Variants in LAMC3 observed in about 807,000 individuals in gnomAD.
The protein encoded by LAMC3 is laminin subunit gamma-3.
A neutral mutation model predicts 173.8 loss-of-function variants in LAMC3; 128 were observed. The observed-to-expected ratio is 0.74, with a 90% CI of 0.64 to 0.85. The LOEUF is 0.85. Among genes scored for constraint, LAMC3 ranks in the 40% least tolerant of loss-of-function variants. LAMC3 has a pLI of 0.00. For synonymous variants in LAMC3, 897 were observed against 909.1 expected, an observed-to-expected ratio of 0.99 and a Z score of 0.24; for missense variants, 2,022 against 2,156.0, an observed-to-expected ratio of 0.94 and a Z score of 1.23.
chr9:131,060,513 G>A (rs781775522), intron 12 of LAMC3, among the ~76,000 whole-genome samples: 7 of 152,012 alleles, frequency 4.6e-5, no homozygotes, highest in East Asian at 1.9e-4. Flanking sequence ...GTGTGGTGAC[G>A]CACGCCTGTA....
Position 131,094,161 on chromosome 9 carries a change from G to C in LAMC3, c.*2374G>C, listed in dbSNP as rs998052096. On this transcript the variant is annotated 3_prime_UTR_variant, in exon 28 of 28. Coordinates refer to ENST00000361069, the MANE Select transcript of LAMC3 (RefSeq NM_006059.4). ...GGCTTTCTTTGTTTTTCTTGTGCCTGATAGGAGAGGACACCCACCCCTACC... is the reference window on the plus strand; with the variant it reads ...GGCTTTCTTTGTTTTTCTTGTGCCTCATAGGAGAGGACACCCACCCCTACC... 2 of 152,144 alleles carry C rather than the reference G, an allele frequency of 1.3e-5. No homozygotes were observed. The highest frequency in any genetic ancestry group is 2.9e-5 in the Non-Finnish European group (2 of 68,062). The allele number at this position is 152,144 out of a possible 1,614,324, so 9.4% of individuals were successfully genotyped here. A position where few individuals can be genotyped will look rare whatever the true frequency, so the allele number is the denominator to read the frequency against.
At position 131,039,163 on chromosome 9, in the gene LAMC3, A is replaced by G. The variant is rs1040314137; in HGVS notation, c.1198A>G (p.Thr400Ala). The G allele has an allele frequency of 1.9e-6, 3 of 1,610,900 alleles. No individual in the cohort carries two copies. In the South Asian group the frequency reaches 3.3e-5, roughly 18 times the overall value. The change falls in exon 6 of 28, where the codon ACC becomes GCC. Residue 400 changes from threonine to alanine, a missense_variant. Thr to Ala is a moderately conservative substitution (Grantham distance 58). Coordinates refer to ENST00000361069, the MANE Select transcript of LAMC3 (RefSeq NM_006059.4). ...SLHLQCDDTG[T>A]CACKPTVTGW... ...ACACCTCCAGTGCGATGACACAGGC[A>G]CCTGCGCCTGCAAGCCCACGGTGAC...
intron 1 of LAMC3, among the ~76,000 whole-genome samples, chr9:131,013,604 C>T (rs1045367474): frequency 2.0e-5 from 3 of 152,206 alleles, no homozygotes; most frequent in Non-Finnish European, 2.9e-5. Context: ...CTTTACTGAG[C>T]AGTGCTGAGA....
At chr9:131,030,273 C>T (rs1443631482) in intron 2 of LAMC3, among the ~76,000 whole-genome samples, 1 of 152,178 alleles carries the variant, frequency 6.6e-6, no homozygotes, top group Admixed American at 6.5e-5. Flanking sequence ...AGACAGTCCC[C>T]CTGCAATTGA....
chr9:131,065,915 G>GGAT (rs58998610), intron 13 of LAMC3, among the ~76,000 whole-genome samples: 10,149 of 152,072 alleles, frequency 0.067, 1,040 homozygotes, highest in African/African-American at 0.22. Context: ...ATGATGGTCA[G>GGAT]GATGATGATG....
In LAMC3 at chr9:131,039,082, A is replaced by G. The variant is rs776141006; in HGVS notation, c.1165+30A>G. The stretch of plus-strand genomic sequence containing the variant: ...GTGGACTCCACATCCCCAGCCTCCG[A>G]CCCTCTCCCTTTCCTGGCCTCAATT... On this transcript the variant is annotated intron_variant, in intron 5 of 27. Transcript: ENST00000361069. 8.4e-5 allele frequency: 136 copies of G among 1,610,572 alleles called. 1 individual carries two copies. The South Asian group carries it at 1.1e-3, about 13-fold the overall frequency.
chr9:131,087,704 C>G lies in LAMC3; in HGVS notation c.4378-14C>G. ...GACGCCATTCAAGCTGTTTCTTCCT[C>G]CTCCCCCTGAAAGGTGGGTGCTGGG... On this transcript the variant is annotated splice_polypyrimidine_tract_variant and intron_variant, in intron 26 of 27. Transcript: ENST00000361069. 6.2e-7 allele frequency: 1 copy of G among 1,613,916 alleles called. No homozygotes were observed. The highest frequency in any genetic ancestry group is 8.5e-7 in the Non-Finnish European group (1 of 1,179,826).
At chr9:131,033,235 C>T (rs571883112) in intron 3 of LAMC3, among the ~76,000 whole-genome samples, 6 of 152,226 alleles carry the variant, frequency 3.9e-5, no homozygotes, top group Non-Finnish European at 5.9e-5. Flanking sequence ...ACGAGGGAGG[C>T]ATGAACAGCT....
chr9:131,047,618 G>A (rs149044261), intron 8 of LAMC3, among the ~76,000 whole-genome samples: 27,630 of 151,390 alleles, frequency 0.18, 3,091 homozygotes, highest in Admixed American at 0.26. Context: ...CTGGGAGGCC[G>A]GGGTGGGGGT....
intron 1 of LAMC3, among the ~76,000 whole-genome samples, chr9:131,018,828 G>C (rs1833577697): frequency 6.6e-6 from 1 of 152,208 alleles, no homozygotes; most frequent in Non-Finnish European, 1.5e-5. Context: ...CCACAGCTTT[G>C]CCAACATCCT....
chr9:131,068,835 G>A, intron 15 of LAMC3, 73 bp from the exon 16 acceptor site: 1 of 1,572,650 alleles, frequency 6.4e-7, no homozygotes, highest in South Asian at 1.1e-5. Context: ...GCCCCAGCCA[G>A]CTGCAGCCGG....
chr9:131,044,086 G>A (rs753708328), intron 7 of LAMC3, among the ~76,000 whole-genome samples: 1 of 151,240 alleles, frequency 6.6e-6, no homozygotes, highest in Non-Finnish European at 1.5e-5. Context: ...AGCCTCCTAA[G>A]TAGCTAGGAT....
intron 25 of LAMC3, among the ~76,000 whole-genome samples, chr9:131,086,575 C>CTTTTTTTTTTT (rs778812487): frequency 8.7e-5 from 8 of 92,480 alleles, no homozygotes; most frequent in East Asian, 5.9e-4. Context: ...GCCTGGCTAA[C>CTTTTTTTTTTT]TTTTTTTTTT....
In LAMC3 at chr9:131,087,802, C is replaced by T. The variant is rs925112350; in HGVS notation, c.4462C>T (p.Leu1488=). ...GAAGGACATCGAGACCTTGTCAGAGCTGCTTGCCAGGCTGGGTAAGGAGGC... is the reference window on the plus strand; with the variant it reads ...GAAGGACATCGAGACCTTGTCAGAGTTGCTTGCCAGGCTGGGTAAGGAGGC... ...LEKDIETLSE[L]LARLGSLDTH... is the part of the protein sequence containing the mutation. Residue 1488 remains leucine (L), a synonymous_variant, in exon 27 of 28, where the codon CTG becomes TTG. Transcript: ENST00000361069. The T allele has an allele frequency of 7.4e-6, 12 of 1,613,898 alleles. No individual in the cohort carries two copies. The Admixed American group carries it at 8.3e-5, about 11-fold the overall frequency.
chr9:131,075,685 A>G, intron 20 of LAMC3, 146 bp from the exon 21 acceptor site: 1 of 846,694 alleles, frequency 1.2e-6, no homozygotes, highest in Non-Finnish European at 1.9e-6. Context: ...AGTGCGTAAC[A>G]CAGAAAGGTG....
In LAMC3 at chr9:131,032,119, C is replaced by A; in HGVS notation, c.753C>A (p.Asp251Glu). 1 of 1,614,090 alleles carries A rather than the reference C, an allele frequency of 6.2e-7. No homozygotes were observed. Among genetic ancestry groups the A allele is most frequent in the Non-Finnish European group, 8.5e-7 (1 of 1,180,020 alleles). Reference protein sequence around the residue: ...LNTFGDDIFKDPKVLQSYYYA... With the variant: ...LNTFGDDIFKEPKVLQSYYYA... ...CGTTTGGGGACGACATCTTCAAGGA[C>A]CCCAAGGTGCTCCAGTCCTACTATT... The change falls in exon 3 of 28, where the codon GAC becomes GAA. Residue 251 changes from aspartate to glutamate, a missense_variant. Asp to Glu is a conservative substitution (Grantham distance 45, BLOSUM62 2). Coordinates refer to ENST00000361069, the MANE Select transcript of LAMC3 (RefSeq NM_006059.4).
intron 23 of LAMC3, chr9:131,080,492 T>C (rs1322367837): frequency 6.6e-6 from 1 of 152,172 alleles, no homozygotes; most frequent in African/African-American, 2.4e-5. Flanking sequence ...TTTCACCATG[T>C]TGGCCAGGCT....
chr9:131,050,418 C>T (rs1439641456), intron 9 of LAMC3, among the ~76,000 whole-genome samples: 1 of 152,196 alleles, frequency 6.6e-6, no homozygotes, highest in African/African-American at 2.4e-5. Context: ...TGTCCACCTT[C>T]TGTATTCTGC....
At chr9:131,071,939 C>T (rs187670289) in intron 18 of LAMC3, among the ~76,000 whole-genome samples, 16 of 152,302 alleles carry the variant, frequency 1.1e-4, no homozygotes, top group African/African-American at 3.6e-4. Flanking sequence ...GGCCGTTTTG[C>T]TCTGCCATAG....
Sources: gnomAD v4.1 joint callset for allele counts (sites outside exome capture counted in the v4.1 genomes callset) on GRCh38, gnomAD v4.1.1 for gene constraint, MANE v1.5 for transcripts, NCBI Gene and HGNC (gene_info 2026-07-23, HGNC 2026-07-21) for gene names.